Variants in ACAP2 observed in about 807,000 individuals in gnomAD.
The protein encoded by ACAP2 is arf-GAP with coiled-coil, ANK repeat and PH domain-containing protein 2.
In ACAP2, 39 loss-of-function variants were observed where a neutral mutation model predicts 115.8. The observed-to-expected ratio is 0.34, with a 90% CI of 0.26 to 0.44. The LOEUF (loss-of-function observed/expected upper bound fraction) is 0.44, where lower values mean the gene tolerates loss of function less well. Among genes scored for constraint, ACAP2 ranks in the 20% least tolerant of loss-of-function variants. The pLI, the probability that ACAP2 is intolerant of heterozygous loss-of-function variation, is 1.00. For synonymous variants in ACAP2, 289 were observed against 315.8 expected, an observed-to-expected ratio of 0.92 and a Z score of 0.90; for missense variants, 662 against 927.6, an observed-to-expected ratio of 0.71 and a Z score of 3.72.
intron 4 of ACAP2, among the ~76,000 whole-genome samples, chr3:195,367,917 T>C (rs1732842314): frequency 6.6e-6 from 1 of 152,192 alleles, no homozygotes; most frequent in Non-Finnish European, 1.5e-5. Flanking sequence ...AGAAGTAAGC[T>C]GATCCCTCCA....
intron 10 of ACAP2, among the ~76,000 whole-genome samples, chr3:195,310,661 C>A (rs1728704947): frequency 6.6e-6 from 1 of 152,162 alleles, no homozygotes; most frequent in Admixed American, 6.5e-5. Flanking sequence ...CTTCTCTTGA[C>A]CAGCTGCATC....
intron 16 of ACAP2, 32 bp from the exon 17 acceptor site, chr3:195,295,924 C>T (rs1027617550): frequency 1.3e-6 from 2 of 1,571,388 alleles, no homozygotes; most frequent in South Asian, 1.2e-5. Flanking sequence ...TGATGTTTTG[C>T]TTAATCTCTC....
chr3:195,301,008 C>T (rs1728012214), intron 15 of ACAP2, among the ~76,000 whole-genome samples: 1 of 152,122 alleles, frequency 6.6e-6, no homozygotes, highest in Admixed American at 6.5e-5. Flanking sequence ...GAGCGAAGAC[C>T]TTGTCTCAAG....
intron 22 of ACAP2, among the ~76,000 whole-genome samples, chr3:195,283,985 T>C (rs1726678139): frequency 6.6e-6 from 1 of 152,132 alleles, no homozygotes; most frequent in African/African-American, 2.4e-5. Flanking sequence ...GTGGAAGACA[T>C]TTGAATGCTC....
chr3:195,288,638 A>G (rs531997927), intron 21 of ACAP2, among the ~76,000 whole-genome samples: 14 of 152,092 alleles, frequency 9.2e-5, no homozygotes. Flanking sequence ...CGGGTGGATC[A>G]CCTGAGGTCA....
Position 195,442,961 on chromosome 3 carries a change from C to A in ACAP2, c.-114G>T, listed in dbSNP as rs116681503. ...CGGCCGCGACTAGCGTTGCGCGGAG[C>A]TGCGAAGGGCGCCTCGCCCGCTGGT... On this transcript the variant is annotated 5_prime_UTR_variant, in exon 1 of 23. Transcript: ENST00000326793. 5.5e-3 allele frequency: 5,290 copies of A among 953,352 alleles called. 200 individuals are homozygous for A. The African/African-American group carries it at 0.081, about 15-fold the overall frequency. 59.1% of individuals were successfully genotyped at this position (953,352 alleles called of 1,614,324 possible).
chr3:195,413,989 A>G (rs995803506), intron 1 of ACAP2, among the ~76,000 whole-genome samples: 1 of 148,858 alleles, frequency 6.7e-6, no homozygotes, highest in South Asian at 2.3e-4. Flanking sequence ...AAAAAAGAAA[A>G]AAAAAGAAAG....
intron 4 of ACAP2, among the ~76,000 whole-genome samples, chr3:195,368,831 C>T (rs1732911585): frequency 6.6e-6 from 1 of 152,196 alleles, no homozygotes; most frequent in African/African-American, 2.4e-5. Context: ...CGCCTGTAAT[C>T]CCACCACTTT....
intron 13 of ACAP2, among the ~76,000 whole-genome samples, chr3:195,306,262 A>C (rs1443975132): frequency 6.6e-6 from 1 of 152,204 alleles, no homozygotes; most frequent in Non-Finnish European, 1.5e-5. Context: ...CTAACAGGGA[A>C]ATACCTTATT....
At chr3:195,417,548 C>G (rs1030320337) in intron 1 of ACAP2, among the ~76,000 whole-genome samples, 1 of 152,092 alleles carries the variant, frequency 6.6e-6, no homozygotes, top group Non-Finnish European at 1.5e-5. Context: ...TTCTTCTCAC[C>G]TGGATTATAG....
chr3:195,320,997 A>G (rs1016019196), intron 9 of ACAP2, among the ~76,000 whole-genome samples, 184 bp from the exon 10 acceptor site: 8 of 152,098 alleles, frequency 5.3e-5, no homozygotes, highest in Admixed American at 2.0e-4. Context: ...TCAATACATT[A>G]AAGTATTTGA....
intron 1 of ACAP2, among the ~76,000 whole-genome samples, chr3:195,438,406 AT>A (rs557173313): frequency 1.6e-3 from 234 of 147,834 alleles, no homozygotes; most frequent in African/African-American, 5.1e-3. Context: ...AAAAAAAAAA[AT>A]TTCCCCTCAG....
Position 195,289,186 on chromosome 3 carries a change from A to AGTG in ACAP2, c.2106_2108dup (p.Thr703dup). On this transcript the variant is annotated inframe_insertion, in exon 21 of 23. Transcript: ENST00000326793. ...TCAAAGGGTCTTTCCCTTCTTCATC[A>AGTG]GTGGCATGTTGATTGGCACCTCGTT... is the stretch of plus-strand genomic sequence containing the variant. 1 of 1,613,680 alleles carries AGTG rather than the reference A, an allele frequency of 6.2e-7. No homozygotes were observed. The highest frequency in any genetic ancestry group is 8.5e-7 in the Non-Finnish European group (1 of 1,179,886).
At chr3:195,353,020 G>C (rs2108676206) in intron 4 of ACAP2, among the ~76,000 whole-genome samples, 1 of 149,598 alleles carries the variant, frequency 6.7e-6, no homozygotes, top group African/African-American at 2.5e-5. Flanking sequence ...GGCGGAAGTT[G>C]CAATGAGCCA....
intron 15 of ACAP2, 106 bp downstream of exon 15, chr3:195,301,469 G>A: frequency 1.2e-6 from 1 of 837,510 alleles, no homozygotes; most frequent in Non-Finnish European, 1.9e-6. Flanking sequence ...AATTTAGCTA[G>A]CATACATTGG....
At chr3:195,395,655 G>A (rs1711702657) in intron 1 of ACAP2, among the ~76,000 whole-genome samples, 1 of 152,224 alleles carries the variant, frequency 6.6e-6, no homozygotes, top group South Asian at 2.1e-4. Context: ...GTAGCTGCAA[G>A]AGAGACCATA....
intron 1 of ACAP2, among the ~76,000 whole-genome samples, chr3:195,395,436 A>T (rs983140531): frequency 2.0e-5 from 3 of 152,254 alleles, no homozygotes; most frequent in Non-Finnish European, 4.4e-5. Flanking sequence ...AGTTTGACCC[A>T]TAACCTGTTT....
At chr3:195,389,665 G>A (rs920287754) in intron 2 of ACAP2, among the ~76,000 whole-genome samples, 1 of 152,062 alleles carries the variant, frequency 6.6e-6, no homozygotes, top group Non-Finnish European at 1.5e-5. Context: ...TAAATGTAAT[G>A]CCTCAGGGTA....
At chr3:195,323,385 A>T (rs1008942015) in intron 9 of ACAP2, among the ~76,000 whole-genome samples, 1 of 152,186 alleles carries the variant, frequency 6.6e-6, no homozygotes, top group African/African-American at 2.4e-5. Context: ...AATACAGAAA[A>T]ATCAATTTTA....
Sources: allele counts gnomAD v4.1 joint callset (sites outside exome capture counted in the v4.1 genomes callset), GRCh38; gene constraint gnomAD v4.1.1; transcripts MANE v1.5; gene names NCBI Gene and HGNC (gene_info 2026-07-23, HGNC 2026-07-21).